The following PSPH variants were observed in gnomAD, a reference collection of about 807,000 sequenced individuals.
The protein encoded by PSPH is phosphoserine phosphatase, also known as L-3-phosphoserine phosphatase.
In PSPH, 16 loss-of-function variants were observed where a neutral mutation model predicts 23.4. The observed-to-expected ratio is 0.68, with a 90% CI of 0.46 to 1.04. The LOEUF is 1.04. PSPH is among the 50% of genes least tolerant of loss of function. The pLI, the probability that PSPH is intolerant of heterozygous loss-of-function variation, is 0.00. For missense variants in PSPH, 223 were observed against 273.7 expected, an observed-to-expected ratio of 0.81 and a Z score of 1.31; for synonymous variants, 68 against 99.7, an observed-to-expected ratio of 0.68 and a Z score of 1.89.
chr7:56,015,119 T>C lies in PSPH; in HGVS notation c.474A>G (p.Lys158=), dbSNP rs1788404232. 6.2e-7 allele frequency: 1 copy of C among 1,613,922 alleles called. No individual in the cohort carries two copies. The highest frequency in any genetic ancestry group is 1.3e-5 in the African/African-American group (1 of 74,928). The change falls in exon 7 of 8, where the codon AAA becomes AAG. Residue 158 remains lysine (K), a synonymous_variant. Transcript: ENST00000275605. ...CCTTTAAAAGTTTAATCACTTTTCC[T>C]TTTCCACCAGATTCAGCTGTTGGCT... The part of the protein sequence containing the change: ...ETQPTAESGG[K]GKVIKLLKEK...
intron 3 of PSPH, among the ~76,000 whole-genome samples, 196 bp from the exon 4 acceptor site, chr7:56,021,427 T>TTC (rs1225444374): frequency 2.2e-5 from 3 of 136,196 alleles, no homozygotes; most frequent in Non-Finnish European, 4.7e-5. Context: ...CTTTCTTTCT[T>TTC]TTTTTTTTTT....
chr7:56,023,586 A>ATT (rs1789765354), intron 3 of PSPH, among the ~76,000 whole-genome samples: 1 of 151,928 alleles, frequency 6.6e-6, no homozygotes, highest in Non-Finnish European at 1.5e-5. Context: ...AAATCTTTGG[A>ATT]CTAGAATTAG....
intron 3 of PSPH, among the ~76,000 whole-genome samples, chr7:56,031,308 C>G (rs1164298809): frequency 6.6e-6 from 1 of 152,118 alleles, no homozygotes; most frequent in Non-Finnish European, 1.5e-5. Context: ...GAGAAACTAC[C>G]TACTGGGTAC....
chr7:56,039,122 C>T (rs1181411400), intron 1 of PSPH, among the ~76,000 whole-genome samples: 2 of 142,872 alleles, frequency 1.4e-5, no homozygotes, highest in East Asian at 2.0e-4. Flanking sequence ...CATACCCGCC[C>T]GGGAAACAAG....
chr7:56,029,225 C>T (rs909889810), intron 3 of PSPH, among the ~76,000 whole-genome samples: 3 of 152,074 alleles, frequency 2.0e-5, no homozygotes, highest in African/African-American at 7.2e-5. Flanking sequence ...TCAGTTGCTT[C>T]AAAGTAAATT....
intron 1 of PSPH, among the ~76,000 whole-genome samples, chr7:56,046,295 C>G (rs1018508989): frequency 1.3e-5 from 2 of 152,058 alleles, no homozygotes; most frequent in African/African-American, 4.8e-5. Flanking sequence ...CACCATCATG[C>G]CTGGCTAATT....
At chr7:56,026,488 CAAAAAA>C (rs56089644) in intron 3 of PSPH, among the ~76,000 whole-genome samples, 2 of 70,340 alleles carry the variant, frequency 2.8e-5, no homozygotes, top group African/African-American at 5.9e-5. Flanking sequence ...GACTCCATCT[CAAAAAA>C]AAAAAAAAAA....
rs376000449 is a variant in PSPH at position 56,016,304 on chromosome 7, T to C, written c.421+930A>G. 2.8e-4 allele frequency among the ~76,000 whole-genome samples: 41 copies of C among 147,460 alleles called. No individual in the cohort carries two copies. The South Asian group carries it at 8.2e-3, about 30-fold the overall frequency. ...CTGTAATCCCAGCTACTTGGGAGGC[T>C]GAGGCAGGAGAATCGCTTGCACCCA... is the stretch of plus-strand genomic sequence containing the variant. On this transcript the variant is annotated intron_variant, in intron 6 of 7. Coordinates refer to ENST00000275605, the MANE Select transcript of PSPH (RefSeq NM_004577.4).
chr7:56,046,610 C>A (rs1793277088), intron 1 of PSPH, among the ~76,000 whole-genome samples: 2 of 151,990 alleles, frequency 1.3e-5, no homozygotes, highest in Non-Finnish European at 2.9e-5. Flanking sequence ...CATGGTGAAG[C>A]CCTGTCTCTA....
chr7:56,049,365 G>C (rs952997835), intron 1 of PSPH, among the ~76,000 whole-genome samples: 1 of 152,102 alleles, frequency 6.6e-6, no homozygotes, highest in African/African-American at 2.4e-5. Flanking sequence ...TCAAAAGTGA[G>C]AACTTCTTAT....
chr7:56,051,064 C>T (rs988855186), intron 1 of PSPH, 74 bp downstream of exon 1: 1 of 152,126 alleles, frequency 6.6e-6, no homozygotes, highest in Non-Finnish European at 1.5e-5. Flanking sequence ...TAAAATACCA[C>T]GTGTTACTGA....
chr7:56,041,432 C>T (rs1178539123), intron 1 of PSPH, among the ~76,000 whole-genome samples: 4 of 151,548 alleles, frequency 2.6e-5, no homozygotes, highest in African/African-American at 7.3e-5. Context: ...AGGATGGTCT[C>T]GATCTCTTGA....
intron 1 of PSPH, among the ~76,000 whole-genome samples, chr7:56,045,886 C>A (rs1226247477): frequency 6.0e-3 from 644 of 107,594 alleles, no homozygotes; most frequent in African/African-American, 7.4e-3. Context: ...GACTTTGTCT[C>A]AAAAAAAAAA....
At chr7:56,040,977 T>C (rs1562826190) in intron 1 of PSPH, among the ~76,000 whole-genome samples, 1 of 152,010 alleles carries the variant, frequency 6.6e-6, no homozygotes, top group African/African-American at 2.4e-5. Context: ...GAACATCTTA[T>C]GGGCAGAGTT....
At chr7:56,032,188 C>T (rs1323220021) in intron 2 of PSPH, 134 bp from the exon 3 acceptor site, 3 of 152,166 alleles carry the variant, frequency 2.0e-5, no homozygotes, top group Non-Finnish European at 4.4e-5. Context: ...AAGACTGCTT[C>T]CTCTGGGAAA....
At chr7:56,035,623 AT>A (rs898529735) in intron 1 of PSPH, among the ~76,000 whole-genome samples, 12 of 149,892 alleles carry the variant, frequency 8.0e-5, no homozygotes, top group Admixed American at 2.7e-4. Flanking sequence ...CCAAAACACA[AT>A]TTTTTTTTCC....
intron 5 of PSPH, among the ~76,000 whole-genome samples, chr7:56,018,249 C>T: frequency 6.6e-6 from 1 of 151,958 alleles, no homozygotes; most frequent in East Asian, 2.0e-4. Context: ...GAGGCTGAGG[C>T]AGGAGAATTG....
chr7:56,048,676 G>A (rs1024799263), intron 1 of PSPH, among the ~76,000 whole-genome samples: 1 of 151,954 alleles, frequency 6.6e-6, no homozygotes, highest in Non-Finnish European at 1.5e-5. Context: ...CTCTGTCGCC[G>A]AGACTGGGAG....
In PSPH at chr7:56,015,170, A is replaced by T. The variant is rs1319271596; in HGVS notation, c.423T>A (p.Gly141=). Residue 141 remains glycine, a splice_region_variant and synonymous_variant, in exon 7 of 8, where the codon GGT becomes GGA. Transcript: ENST00000275605. ...FANRLKFYFN[G]EYAGFDETQP... ...GCGTCTCATCAAAACCTGCATATTC[A>T]CCTTAAAAGAGAAATAAAAATAGGG... 1 of 1,613,790 alleles carries T rather than the reference A, an allele frequency of 6.2e-7. No homozygotes were observed. The highest frequency in any genetic ancestry group is 1.1e-5 in the South Asian group (1 of 91,060).
Sources: gnomAD v4.1 joint callset for allele counts (sites outside exome capture counted in the v4.1 genomes callset) on GRCh38, gnomAD v4.1.1 for gene constraint, MANE v1.5 for transcripts, NCBI Gene and HGNC (gene_info 2026-07-23, HGNC 2026-07-21) for gene names.